Variants in GRM7 observed in about 807,000 individuals in gnomAD.
The protein encoded by GRM7 is glutamate metabotropic receptor 7.
In GRM7, 35 loss-of-function variants were observed where a neutral mutation model predicts 84.5. The observed-to-expected ratio is 0.41, with a 90% CI of 0.32 to 0.55. The LOEUF is 0.55. Ranked by LOEUF, GRM7 falls within the 20% of genes least tolerant of loss-of-function variation. The pLI, the probability that GRM7 is intolerant of heterozygous loss-of-function variation, is 0.19. For synonymous variants in GRM7, 487 were observed against 455.1 expected, an observed-to-expected ratio of 1.07 and a Z score of -0.89; for missense variants, 1,003 against 1,194.6, an observed-to-expected ratio of 0.84 and a Z score of 2.36.
In GRM7 at chr3:6,869,612, G is replaced by T. The variant is rs957803130; in HGVS notation, c.519+7705G>T. Among the ~76,000 whole-genome samples the T allele has an allele frequency of 4.0e-5, 3 of 75,878 alleles. No homozygotes were observed. In the Admixed American group the frequency reaches 4.4e-4, roughly 11 times the overall value. The allele number at this position is 75,878 out of a possible 152,430, so 49.8% of individuals were successfully genotyped here. A position where few individuals can be genotyped will look rare whatever the true frequency, so the allele number is the denominator to read the frequency against. On this transcript the variant is annotated intron_variant, in intron 1 of 9. Transcript: ENST00000357716. ...CTATCTATCTATCTATGGAGACAGA[G>T]AGAGAGAAAGAGCAAAAGAGAGAAC...
At chr3:7,680,343 C>A in intron 9 of GRM7, 48 bp downstream of exon 9, 1 of 1,595,666 alleles carries the variant, frequency 6.3e-7, no homozygotes, top group South Asian at 1.1e-5. Context: ...CATCAGGAAG[C>A]TCTAGAAGAT....
intron 1 of GRM7, among the ~76,000 whole-genome samples, chr3:6,983,425 G>T (rs2124837195): frequency 6.6e-6 from 1 of 152,198 alleles, no homozygotes; most frequent in South Asian, 2.1e-4. Context: ...AAACTTCAGG[G>T]GATGAATGGG....
At chr3:7,229,429 G>A (rs1312499416) in intron 2 of GRM7, among the ~76,000 whole-genome samples, 2 of 151,632 alleles carry the variant, frequency 1.3e-5, no homozygotes, top group South Asian at 2.1e-4. Context: ...CAGGTCCAAC[G>A]CCTTACCTAG....
chr3:7,592,511 G>A (rs1302591863), intron 8 of GRM7, among the ~76,000 whole-genome samples: 1 of 152,170 alleles, frequency 6.6e-6, no homozygotes, highest in Non-Finnish European at 1.5e-5. Context: ...GGTAGGAGAT[G>A]AGCCTGGAGG....
intron 4 of GRM7, among the ~76,000 whole-genome samples, chr3:7,370,526 C>A (rs1257749703): frequency 6.6e-6 from 1 of 152,046 alleles, no homozygotes; most frequent in Non-Finnish European, 1.5e-5. Flanking sequence ...CCATGCGGAA[C>A]TGTGAGTCCA....
At position 7,427,656 on chromosome 3, in the gene GRM7, G is replaced by T. The variant is rs563070997; in HGVS notation, c.1174+12493G>T. ...CATTGGTCACTCACTTGAGCACTTT[G>T]CACAGATGATAGTGATCTTCAAAAG... is the stretch of plus-strand genomic sequence containing the variant. On this transcript the variant is annotated intron_variant, in intron 5 of 9. Transcript: ENST00000357716. Among the ~76,000 whole-genome samples, 9 of 152,278 alleles carry T rather than the reference G, an allele frequency of 5.9e-5. No individual in the cohort carries two copies. In the South Asian group the frequency reaches 1.5e-3, roughly 25 times the overall value.
intron 1 of GRM7, among the ~76,000 whole-genome samples, chr3:6,889,487 A>C (rs539343615): frequency 0.23 from 34,213 of 150,846 alleles, 4,454 homozygotes; most frequent in African/African-American, 0.34. Context: ...CTATTGAGAT[A>C]ATCATGTGGT....
At chr3:6,983,054 T>C (rs1435137620) in intron 1 of GRM7, among the ~76,000 whole-genome samples, 8 of 152,228 alleles carry the variant, frequency 5.3e-5, no homozygotes, top group African/African-American at 1.9e-4. Context: ...GGCGAAGATA[T>C]TTTTGAATTG....
chr3:7,160,407 A>G (rs1392415595), intron 2 of GRM7, among the ~76,000 whole-genome samples: 1 of 152,086 alleles, frequency 6.6e-6, no homozygotes, highest in Admixed American at 6.6e-5. Flanking sequence ...TTAACTAGAT[A>G]CCCCAGTTTC....
intron 1 of GRM7, among the ~76,000 whole-genome samples, chr3:7,045,493 G>T (rs1288356257): frequency 2.0e-5 from 3 of 152,230 alleles, no homozygotes; most frequent in African/African-American, 7.2e-5. Flanking sequence ...AGAACTCATT[G>T]TATTGTAAAA....
chr3:7,628,276 G>A (rs969747658), intron 8 of GRM7, among the ~76,000 whole-genome samples: 11 of 152,080 alleles, frequency 7.2e-5, no homozygotes, highest in African/African-American at 1.9e-4. Flanking sequence ...AGCCTGGGGA[G>A]TGCAGCACTG....
At chr3:7,101,073 G>T (rs1699094914) in intron 1 of GRM7, among the ~76,000 whole-genome samples, 1 of 151,680 alleles carries the variant, frequency 6.6e-6, no homozygotes, top group African/African-American at 2.4e-5. Context: ...CCCTGTACAA[G>T]TCTTTTTGTA....
intron 1 of GRM7, among the ~76,000 whole-genome samples, chr3:7,071,115 C>G (rs1697864191): frequency 6.6e-6 from 1 of 152,008 alleles, no homozygotes; most frequent in South Asian, 2.1e-4. Flanking sequence ...TTAGTAGGTT[C>G]CACTAGAGTC....
chr3:7,544,487 G>T (rs1453465253), intron 7 of GRM7, among the ~76,000 whole-genome samples: 1 of 152,186 alleles, frequency 6.6e-6, no homozygotes, highest in East Asian at 1.9e-4. Flanking sequence ...TTTGAAGTCA[G>T]ATTTGCCTCT....
intron 4 of GRM7, among the ~76,000 whole-genome samples, chr3:7,397,386 G>C (rs1024290199): frequency 6.6e-6 from 1 of 152,152 alleles, no homozygotes; most frequent in African/African-American, 2.4e-5. Context: ...ATGTAGAGTT[G>C]CTTTACTAGA....
At position 6,962,271 on chromosome 3, in the gene GRM7, T is replaced by G. The variant is rs375470713; in HGVS notation, c.519+100364T>G. Among the ~76,000 whole-genome samples the G allele has an allele frequency of 2.6e-5, 4 of 152,334 alleles. No homozygotes were observed. The East Asian group carries it at 7.7e-4, about 29-fold the overall frequency. ...TGCACAATCCTGGTATACAGCTGAA[T>G]AATTTTTTGTCGAATAAATGCATGA... On this transcript the variant is annotated intron_variant, in intron 1 of 9. Transcript: ENST00000357716.
At chr3:6,983,351 T>G (rs771215582) in intron 1 of GRM7, among the ~76,000 whole-genome samples, 3 of 152,116 alleles carry the variant, frequency 2.0e-5, no homozygotes, top group Non-Finnish European at 4.4e-5. Context: ...ATTTTCAGCC[T>G]GGAGGTAGAG....
chr3:7,547,191 A>ATTTTT (rs1693195390), intron 7 of GRM7, among the ~76,000 whole-genome samples: 2 of 134,654 alleles, frequency 1.5e-5, no homozygotes, highest in African/African-American at 5.8e-5. Flanking sequence ...CAGAGAGTGA[A>ATTTTT]TTCTTTTTTT....
chr3:7,208,548 G>A (rs2124838596), intron 2 of GRM7, among the ~76,000 whole-genome samples: 1 of 152,228 alleles, frequency 6.6e-6, no homozygotes, highest in Middle Eastern at 3.4e-3. Context: ...AGATACAAAA[G>A]CAAGCAAGAT....
Sources: gnomAD v4.1 joint callset for allele counts (sites outside exome capture counted in the v4.1 genomes callset) on GRCh38, gnomAD v4.1.1 for gene constraint, MANE v1.5 for transcripts, NCBI Gene and HGNC (gene_info 2026-07-23, HGNC 2026-07-21) for gene names.